Variants in LRP1B observed in about 807,000 individuals in gnomAD.
LRP1B encodes the protein low-density lipoprotein receptor-related protein 1B.
In LRP1B, 217 loss-of-function variants were observed where a neutral mutation model predicts 556.6. The ratio of observed to expected loss-of-function variants is 0.39; its 90% CI spans 0.35 to 0.44. LRP1B has a LOEUF of 0.44. Among genes scored for constraint, LRP1B ranks in the 20% least tolerant of loss-of-function variants. LRP1B has a pLI of 1.00. For missense variants in LRP1B, 5,053 were observed against 5,620.8 expected, an observed-to-expected ratio of 0.90 and a Z score of 3.23; for synonymous variants, 2,047 against 1,865.8, an observed-to-expected ratio of 1.10 and a Z score of -2.50.
intron 35 of LRP1B, among the ~76,000 whole-genome samples, chr2:140,721,138 TA>T (rs1489036722): frequency 3.9e-5 from 6 of 152,176 alleles, no homozygotes; most frequent in Non-Finnish European, 2.9e-5. Context: ...TATGATCTTC[TA>T]ATGCTTTTAT....
chr2:142,031,317 G>A lies in LRP1B; in HGVS notation c.82+99331C>T, dbSNP rs1187109163. On this transcript the variant is annotated intron_variant, in intron 1 of 90. Transcript: ENST00000389484. ...TAAAAACAGATATATTTAGAGAAAG[G>A]TTGATTATACTTATTTTTTTTTTTT... is the stretch of plus-strand genomic sequence containing the variant. 1.8e-5 allele frequency among the ~76,000 whole-genome samples: 2 copies of A among 108,434 alleles called. 1 individual carries two copies. Among genetic ancestry groups the A allele is most frequent in the East Asian group, 6.3e-4 (2 of 3,192 alleles). 71.1% of individuals were successfully genotyped at this position (108,434 alleles called of 152,430 possible).
In LRP1B at chr2:140,769,451, C is replaced by A. The variant is rs576593665; in HGVS notation, c.5627-107G>T. 90 of 1,141,718 alleles carry A rather than the reference C, an allele frequency of 7.9e-5. No homozygotes were observed. The East Asian group carries it at 2.3e-3, about 29-fold the overall frequency. The allele number at this position is 1,141,718 out of a possible 1,614,324, so 70.7% of individuals were successfully genotyped here. On this transcript the variant is annotated intron_variant, in intron 34 of 90. Coordinates refer to ENST00000389484, the MANE Select transcript of LRP1B (RefSeq NM_018557.3). ...TTTTAACAATCTTAATTTATGTTAACAAATGTATTTCCTGGCCTTTTAAAA... is the reference window on the plus strand; with the variant it reads ...TTTTAACAATCTTAATTTATGTTAAAAAATGTATTTCCTGGCCTTTTAAAA...
At chr2:141,063,928 G>A (rs1309626791) in intron 7 of LRP1B, among the ~76,000 whole-genome samples, 7 of 151,814 alleles carry the variant, frequency 4.6e-5, no homozygotes, top group Admixed American at 6.6e-5. Flanking sequence ...TAGAGACTAC[G>A]TTTAGATAGC....
At position 141,212,792 on chromosome 2, in the gene LRP1B, G is replaced by A. The variant is rs1202065060; in HGVS notation, c.850+16391C>T. On this transcript the variant is annotated intron_variant, in intron 6 of 90. Coordinates refer to ENST00000389484, the MANE Select transcript of LRP1B (RefSeq NM_018557.3). ...TATATAAAATGGTGTAGTACAGGAA[G>A]TCATCATTTAATGTAATTGATTCGT... Among the ~76,000 whole-genome samples, 3 of 152,202 alleles carry A rather than the reference G, an allele frequency of 2.0e-5. No homozygotes were observed. In the South Asian group the frequency reaches 6.2e-4, roughly 32 times the overall value.
At chr2:140,813,275 C>A (rs1690991487) in intron 32 of LRP1B, among the ~76,000 whole-genome samples, 1 of 152,122 alleles carries the variant, frequency 6.6e-6, no homozygotes, top group African/African-American at 2.4e-5. Context: ...TTGAATTCTA[C>A]CTATGGATCA....
At chr2:140,932,254 G>T (rs889722225) in intron 20 of LRP1B, among the ~76,000 whole-genome samples, 9 of 151,932 alleles carry the variant, frequency 5.9e-5, no homozygotes, top group Non-Finnish European at 1.5e-5. Context: ...ATGGGTGTAG[G>T]ATTATTCAAG....
At chr2:140,967,037 G>A (rs947707146) in intron 18 of LRP1B, among the ~76,000 whole-genome samples, 1 of 152,030 alleles carries the variant, frequency 6.6e-6, no homozygotes, top group Non-Finnish European at 1.5e-5. Context: ...CTCTTTTTTG[G>A]TTCCATATGA....
intron 1 of LRP1B, among the ~76,000 whole-genome samples, chr2:141,983,272 C>G (rs903013207): frequency 3.3e-5 from 5 of 152,116 alleles, no homozygotes; most frequent in African/African-American, 1.2e-4. Flanking sequence ...TACTCACACA[C>G]ACAAATTGGT....
chr2:141,928,393 A>T (rs1200855308), intron 1 of LRP1B, among the ~76,000 whole-genome samples: 4 of 152,156 alleles, frequency 2.6e-5, no homozygotes, highest in African/African-American at 9.6e-5. Flanking sequence ...TGAAAAATAA[A>T]ACCTGTAGAC....
At chr2:141,465,310 T>C (rs1451451684) in intron 3 of LRP1B, among the ~76,000 whole-genome samples, 1 of 150,792 alleles carries the variant, frequency 6.6e-6, no homozygotes, top group African/African-American at 2.4e-5. Context: ...CTAGGGAGTG[T>C]GAGGGGAGAG....
intron 1 of LRP1B, among the ~76,000 whole-genome samples, chr2:141,814,289 G>T (rs1340983964): frequency 2.0e-5 from 3 of 152,162 alleles, no homozygotes; most frequent in Admixed American, 2.0e-4. Context: ...TCTTATCTGG[G>T]GCCTACAGCT....
At chr2:141,753,005 T>C (rs1467240462) in intron 2 of LRP1B, among the ~76,000 whole-genome samples, 1 of 141,390 alleles carries the variant, frequency 7.1e-6, no homozygotes, top group South Asian at 2.3e-4. Context: ...TCCCAGCACA[T>C]TGGGAGGCCG....
chr2:141,731,877 A>G (rs897046825), intron 2 of LRP1B, among the ~76,000 whole-genome samples: 18 of 152,156 alleles, frequency 1.2e-4, no homozygotes, highest in Admixed American at 1.1e-3. Context: ...GCACTCTTCA[A>G]TGTAGATGGT....
intron 1 of LRP1B, among the ~76,000 whole-genome samples, chr2:141,812,062 A>G (rs1406756450): frequency 6.6e-6 from 1 of 152,142 alleles, no homozygotes; most frequent in African/African-American, 2.4e-5. Flanking sequence ...TACATTTTCT[A>G]CTGAAATGGA....
chr2:142,100,370 G>A (rs1410729521), intron 1 of LRP1B, among the ~76,000 whole-genome samples: 1 of 151,910 alleles, frequency 6.6e-6, no homozygotes, highest in Non-Finnish European at 1.5e-5. Flanking sequence ...ATTCCTTGGG[G>A]AGAAGCAACA....
At chr2:140,246,718 C>T (rs1316260872) in intron 87 of LRP1B, among the ~76,000 whole-genome samples, 1 of 151,378 alleles carries the variant, frequency 6.6e-6, no homozygotes, top group East Asian at 1.9e-4. Flanking sequence ...CAAGACAATA[C>T]ACTTTGCTCT....
intron 1 of LRP1B, among the ~76,000 whole-genome samples, chr2:141,905,606 A>G (rs114072405): frequency 0.01 from 1,539 of 151,970 alleles, 26 homozygotes; most frequent in African/African-American, 0.035. Flanking sequence ...ATACTGATCA[A>G]GAAAGGAATC....
At chr2:141,663,036 C>A (rs1171816095) in intron 2 of LRP1B, among the ~76,000 whole-genome samples, 1 of 152,172 alleles carries the variant, frequency 6.6e-6, no homozygotes, top group Non-Finnish European at 1.5e-5. Flanking sequence ...AAGACACTTA[C>A]TCAAAACCAC....
At chr2:141,775,183 T>C (rs1695024237) in intron 2 of LRP1B, among the ~76,000 whole-genome samples, 1 of 152,210 alleles carries the variant, frequency 6.6e-6, no homozygotes. Flanking sequence ...GCCTAGCACA[T>C]ACTCGTGGGT....
Sources: gnomAD v4.1 joint callset for allele counts (sites outside exome capture counted in the v4.1 genomes callset) on GRCh38, gnomAD v4.1.1 for gene constraint, MANE v1.5 for transcripts, NCBI Gene and HGNC (gene_info 2026-07-23, HGNC 2026-07-21) for gene names.